Variants in PRSS23 observed in about 807,000 individuals in gnomAD.
The protein encoded by PRSS23 is serine protease 23, also known as protease, serine 23.
Under a neutral mutation model 34.7 loss-of-function variants are expected in PRSS23, and 25 were observed. The ratio of observed to expected loss-of-function variants is 0.72; its 90% CI spans 0.53 to 1.01. The LOEUF (loss-of-function observed/expected upper bound fraction) is 1.01, where lower values mean the gene tolerates loss of function less well. PRSS23 is among the 50% of genes least tolerant of loss of function. The pLI is 0.00. For synonymous variants in PRSS23, 176 were observed against 186.6 expected, an observed-to-expected ratio of 0.94 and a Z score of 0.46; for missense variants, 445 against 475.6, an observed-to-expected ratio of 0.94 and a Z score of 0.60.
chr11:86,899,275 T>C (rs10128549), intron 2 of PRSS23, among the ~76,000 whole-genome samples: 2 of 151,900 alleles, frequency 1.3e-5, no homozygotes, highest in Non-Finnish European at 2.9e-5. Flanking sequence ...TACCAGAACT[T>C]TGGGAGGCTG....
At chr11:86,823,623 G>C in intron 2 of PRSS23, 1 of 702,098 alleles carries the variant, frequency 1.4e-6, no homozygotes, top group Non-Finnish European at 2.6e-6. Flanking sequence ...TCACAAAGCA[G>C]TGTGCTTAAT....
At chr11:86,829,729 C>T (rs1948335385) in intron 2 of PRSS23, among the ~76,000 whole-genome samples, 2 of 152,186 alleles carry the variant, frequency 1.3e-5, no homozygotes, top group African/African-American at 2.4e-5. Context: ...AGCTGCAGGT[C>T]TGTTGGAGTT....
intron 2 of PRSS23, among the ~76,000 whole-genome samples, chr11:86,866,730 A>T (rs551896893): frequency 6.6e-6 from 1 of 152,202 alleles, no homozygotes; most frequent in Non-Finnish European, 1.5e-5. Context: ...AGAATCCCTC[A>T]TGAATAGATT....
upstream of PRSS23, among the ~76,000 whole-genome samples, chr11:86,799,432 T>C (rs531540674): frequency 1.5e-3 from 233 of 152,310 alleles, 2 homozygotes; most frequent in Non-Finnish European, 2.9e-3. Flanking sequence ...ATAGAAAGCA[T>C]GGCTCAGTGC....
intron 2 of PRSS23, among the ~76,000 whole-genome samples, chr11:86,890,573 C>T (rs1482067796): frequency 2.0e-5 from 3 of 152,146 alleles, no homozygotes; most frequent in Non-Finnish European, 4.4e-5. Flanking sequence ...GTGGCCAACC[C>T]AGAAATTATT....
At chr11:86,939,258 G>T in intron 2 of PRSS23, 1 of 254,578 alleles carries the variant, frequency 3.9e-6, no homozygotes, top group Admixed American at 5.4e-5. Context: ...CAGGGACACT[G>T]CATTGAGTCT....
At chr11:86,951,164 T>C in intron 2 of PRSS23, 2 of 1,614,076 alleles carry the variant, frequency 1.2e-6, no homozygotes, top group Non-Finnish European at 1.7e-6. Flanking sequence ...CTCACTGCCT[T>C]TTCCAGGCTT....
At chr11:86,894,417 T>C (rs117471793) in intron 2 of PRSS23, among the ~76,000 whole-genome samples, 1,854 of 152,344 alleles carry the variant, frequency 0.012, 20 homozygotes, top group Non-Finnish European at 0.019. Context: ...AGAGGTAACC[T>C]GGCTGGGTAA....
At chr11:86,827,616 C>G (rs1435265274) in intron 2 of PRSS23, among the ~76,000 whole-genome samples, 2 of 152,030 alleles carry the variant, frequency 1.3e-5, no homozygotes, top group Non-Finnish European at 2.9e-5. Flanking sequence ...TTCCTGCTTT[C>G]TCTTGTGGGC....
intron 2 of PRSS23, among the ~76,000 whole-genome samples, chr11:86,858,936 T>A (rs1381214362): frequency 1.3e-5 from 2 of 151,566 alleles, no homozygotes; most frequent in East Asian, 3.9e-4. Flanking sequence ...ACTCCCAATA[T>A]CGCAGAGGCA....
chr11:86,807,968 A>G lies in PRSS23; in HGVS notation c.325A>G (p.Ser109Gly). The G allele has an allele frequency of 6.2e-7, 1 of 1,614,078 alleles. No individual in the cohort carries two copies. Among genetic ancestry groups the G allele is most frequent in the Non-Finnish European group, 8.5e-7 (1 of 1,180,016 alleles). ...TQVGIYILSS[S>G]GDGAQHRDSG... Reference sequence around the variant, plus strand: ...GGTGGGCATCTACATCCTCAGCAGTAGTGGAGATGGGGCCCAACACCGAGA... The same window carrying G: ...GGTGGGCATCTACATCCTCAGCAGTGGTGGAGATGGGGCCCAACACCGAGA... The change falls in exon 2 of 2, where the codon AGT (serine) becomes GGT (glycine). Residue 109 changes from serine to glycine, a missense_variant. Transcript: ENST00000280258.
chr11:86,910,862 G>GGTT (rs1364942613), intron 2 of PRSS23: 14 of 152,096 alleles, frequency 9.2e-5, no homozygotes, highest in African/African-American at 3.4e-4. Flanking sequence ...AAAGGTTTTT[G>GGTT]GTTTTTTTTT....
At chr11:86,864,928 C>T (rs1478948863) in intron 2 of PRSS23, among the ~76,000 whole-genome samples, 1 of 152,210 alleles carries the variant, frequency 6.6e-6, no homozygotes, top group Non-Finnish European at 1.5e-5. Flanking sequence ...CTGTCTACCT[C>T]TTAGAAGGAC....
chr11:86,952,506 A>T (rs1343856992), exon 3 of PRSS23: 1 of 1,603,982 alleles, frequency 6.2e-7, no homozygotes, highest in Non-Finnish European at 8.5e-7. Flanking sequence ...CACAAAAAAA[A>T]CAATGACTTG....
intron 2 of PRSS23, among the ~76,000 whole-genome samples, chr11:86,844,941 T>G (rs929942104): frequency 6.6e-6 from 1 of 151,964 alleles, no homozygotes; most frequent in African/African-American, 2.4e-5. Flanking sequence ...AATACAAAAT[T>G]AGCTGGCCAT....
At chr11:86,913,510 G>C (rs1948991919) in intron 2 of PRSS23, among the ~76,000 whole-genome samples, 1 of 150,750 alleles carries the variant, frequency 6.6e-6, no homozygotes, top group African/African-American at 2.5e-5. Flanking sequence ...ATTTTAGAAA[G>C]TATTCTAAAG....
At chr11:86,868,525 T>C (rs1948665420) in intron 2 of PRSS23, among the ~76,000 whole-genome samples, 1 of 152,154 alleles carries the variant, frequency 6.6e-6, no homozygotes, top group Admixed American at 6.5e-5. Flanking sequence ...ACTGGGTGAC[T>C]TTTTATTATA....
At chr11:86,874,312 A>G (rs1025755057) in intron 2 of PRSS23, among the ~76,000 whole-genome samples, 2 of 152,236 alleles carry the variant, frequency 1.3e-5, no homozygotes, top group African/African-American at 4.8e-5. Context: ...GCCAGATTAC[A>G]TATAGGACAC....
At chr11:86,820,434 T>A (rs1486554852) in intron 1 of PRSS23, among the ~76,000 whole-genome samples, 1 of 151,980 alleles carries the variant, frequency 6.6e-6, no homozygotes, top group Non-Finnish European at 1.5e-5. Context: ...AAATGAGGAG[T>A]GGACAGGGCA....
Sources: gnomAD v4.1 joint callset for allele counts (sites outside exome capture counted in the v4.1 genomes callset) on GRCh38, gnomAD v4.1.1 for gene constraint, MANE v1.5 for transcripts, NCBI Gene and HGNC (gene_info 2026-07-23, HGNC 2026-07-21) for gene names.